PPP2R2C: variants seen among roughly 807,000 people sequenced by gnomAD.
PPP2R2C encodes the protein protein phosphatase 2 regulatory subunit Bgamma.
In PPP2R2C, 10 loss-of-function variants were observed where a neutral mutation model predicts 45.3. The observed-to-expected ratio is 0.22, with a 90% CI of 0.14 to 0.37. The LOEUF is 0.37. Among genes scored for constraint, PPP2R2C ranks in the 10% least tolerant of loss-of-function variants. PPP2R2C has a pLI of 1.00. For missense variants in PPP2R2C, 308 were observed against 619.7 expected, an observed-to-expected ratio of 0.50 and a Z score of 5.34; for synonymous variants, 257 against 245.4, an observed-to-expected ratio of 1.05 and a Z score of -0.44.
intron 1 of PPP2R2C, among the ~76,000 whole-genome samples, chr4:6,389,524 G>T (rs781424595): frequency 2.6e-5 from 4 of 152,206 alleles, no homozygotes; most frequent in Admixed American, 2.0e-4. Flanking sequence ...GTCAGGGAGA[G>T]GAAGAGGCTC....
At chr4:6,405,022 GA>G (rs1717700154) in intron 1 of PPP2R2C, among the ~76,000 whole-genome samples, 1 of 152,312 alleles carries the variant, frequency 6.6e-6, no homozygotes, top group East Asian at 1.9e-4. Flanking sequence ...CAAATTAAAT[GA>G]GTGAATAGAC....
chr4:6,377,619 A>G, intron 3 of PPP2R2C, among the ~76,000 whole-genome samples: 1 of 151,876 alleles, frequency 6.6e-6, no homozygotes, highest in Non-Finnish European at 1.5e-5. Flanking sequence ...AGATCGCGCC[A>G]CTCTACCCCA....
chr4:6,528,246 C>T (rs576451044), intron 2 of PPP2R2C, among the ~76,000 whole-genome samples: 1 of 152,342 alleles, frequency 6.6e-6, no homozygotes, highest in African/African-American at 2.4e-5. Flanking sequence ...TCCGGAAGGC[C>T]AGCTTGTGCG....
At chr4:6,465,094 T>C (rs2108762403) in intron 1 of PPP2R2C, among the ~76,000 whole-genome samples, 1 of 152,258 alleles carries the variant, frequency 6.6e-6, no homozygotes, top group Middle Eastern at 3.4e-3. Context: ...GTCACCCCTC[T>C]TCCTTGCTGG....
chr4:6,394,985 C>A (rs1392180643), intron 1 of PPP2R2C, among the ~76,000 whole-genome samples: 1 of 152,196 alleles, frequency 6.6e-6, no homozygotes, highest in African/African-American at 2.4e-5. Flanking sequence ...GCAGAGCCAG[C>A]AGCCCCCCTC....
intron 1 of PPP2R2C, among the ~76,000 whole-genome samples, chr4:6,455,317 C>A (rs1271622734): frequency 6.6e-6 from 1 of 152,196 alleles, no homozygotes; most frequent in Non-Finnish European, 1.5e-5. Flanking sequence ...CAAGAATAAT[C>A]TGGAATACAG....
chr4:6,461,972 C>T (rs1721349740), intron 1 of PPP2R2C, among the ~76,000 whole-genome samples: 1 of 152,220 alleles, frequency 6.6e-6, no homozygotes, highest in Admixed American at 6.5e-5. Flanking sequence ...CCCACCACAT[C>T]CCAGAGAGGA....
At chr4:6,437,888 T>C (rs1719968946) in intron 1 of PPP2R2C, among the ~76,000 whole-genome samples, 1 of 152,226 alleles carries the variant, frequency 6.6e-6, no homozygotes, top group African/African-American at 2.4e-5. Context: ...TGTCTCATCA[T>C]AATGGAACCA....
intron 1 of PPP2R2C, among the ~76,000 whole-genome samples, chr4:6,558,058 C>T (rs1222435194): frequency 6.6e-6 from 1 of 152,166 alleles, no homozygotes; most frequent in East Asian, 1.9e-4. Context: ...GGTGCCCGAG[C>T]CCAGCAGGAC....
intron 2 of PPP2R2C, among the ~76,000 whole-genome samples, chr4:6,497,268 C>T (rs1042890660): frequency 2.0e-5 from 3 of 152,076 alleles, no homozygotes; most frequent in African/African-American, 7.2e-5. Flanking sequence ...GTGGGGAAAA[C>T]GTGCCCTACC....
At chr4:6,506,521 G>C (rs1208934280) in intron 2 of PPP2R2C, among the ~76,000 whole-genome samples, 3 of 152,198 alleles carry the variant, frequency 2.0e-5, no homozygotes, top group Non-Finnish European at 4.4e-5. Context: ...GCCTCTCTGA[G>C]AAGTGACTTC....
chr4:6,326,022 G>C (rs1182966571), intron 8 of PPP2R2C, among the ~76,000 whole-genome samples: 3 of 152,232 alleles, frequency 2.0e-5, no homozygotes, highest in African/African-American at 7.2e-5. Flanking sequence ...ATCCCTGTGA[G>C]CGGTCAATCA....
chr4:6,419,395 G>A (rs1048961390), intron 1 of PPP2R2C, among the ~76,000 whole-genome samples: 1 of 151,872 alleles, frequency 6.6e-6, no homozygotes, highest in Non-Finnish European at 1.5e-5. Context: ...CACTGCCACT[G>A]CACTCCTAGG....
At position 6,329,867 on chromosome 4, in the gene PPP2R2C, G is replaced by C. The variant is rs1323778713; in HGVS notation, c.961-514C>G. On this transcript the variant is annotated intron_variant, in intron 7 of 8. Transcript: ENST00000382599. This position sits in a 1 kb window ranked among gnomAD's most constrained non-coding sequence, Gnocchi z 5.8. The stretch of plus-strand genomic sequence containing the variant: ...TGGACAAGTGATTTCATCTCTCTGA[G>C]CCTCAGTTTCTTCAAACTTAAAGTG... Among the ~76,000 whole-genome samples, 2 of 152,196 alleles carry C rather than the reference G, an allele frequency of 1.3e-5. No individual in the cohort carries two copies. Among genetic ancestry groups the C allele is most frequent in the Non-Finnish European group, 2.9e-5 (2 of 68,028 alleles).
At chr4:6,401,180 C>T (rs985964690) in intron 1 of PPP2R2C, among the ~76,000 whole-genome samples, 1 of 152,088 alleles carries the variant, frequency 6.6e-6, no homozygotes, top group Admixed American at 6.5e-5. Flanking sequence ...TTAGTACTCC[C>T]GTTATTCAGC....
chr4:6,455,044 C>T (rs28735473), intron 1 of PPP2R2C, among the ~76,000 whole-genome samples: 47,395 of 137,190 alleles, frequency 0.35, 7,774 homozygotes, highest in African/African-American at 0.45. Context: ...GAACACAGCA[C>T]AAGTCACCTA....
chr4:6,559,628 A>G (rs1288329341), intron 1 of PPP2R2C, among the ~76,000 whole-genome samples: 6 of 151,850 alleles, frequency 4.0e-5, no homozygotes, highest in African/African-American at 1.2e-4. Context: ...CTAACCCCCA[A>G]TGTGAGATAT....
chr4:6,385,790 C>T (rs1716167259), intron 1 of PPP2R2C, among the ~76,000 whole-genome samples: 2 of 152,104 alleles, frequency 1.3e-5, no homozygotes, highest in Admixed American at 1.3e-4. Context: ...GGTTGGTAAA[C>T]TCCTGACCTC....
At chr4:6,552,108 G>C (rs1408141265) in intron 1 of PPP2R2C, among the ~76,000 whole-genome samples, 1 of 152,236 alleles carries the variant, frequency 6.6e-6, no homozygotes, top group Admixed American at 6.5e-5. Flanking sequence ...TTTGCCACAA[G>C]GGGAGACCTG....
Sources: allele counts gnomAD v4.1 joint callset (sites outside exome capture counted in the v4.1 genomes callset), GRCh38; gene constraint gnomAD v4.1.1; non-coding constraint Gnocchi (gnomAD v3.1); transcripts MANE v1.5; gene names NCBI Gene and HGNC (gene_info 2026-07-23, HGNC 2026-07-21).